Variants in BOLA3 observed in about 807,000 individuals in gnomAD.
The protein encoded by BOLA3 is bolA-like protein 3.
Under a neutral mutation model 14.5 loss-of-function variants are expected in BOLA3, and 8 were observed. The observed-to-expected ratio is 0.55, with a 90% CI of 0.32 to 0.99. The LOEUF is 0.99. Among genes scored for constraint, BOLA3 ranks in the 50% least tolerant of loss-of-function variants. BOLA3 has a pLI of 0.04. For missense variants in BOLA3, 115 were observed against 138.2 expected (o/e 0.83, Z 0.84); for synonymous variants, 42 against 45.7 (o/e 0.92, Z 0.33).
intron 3 of BOLA3, among the ~76,000 whole-genome samples, chr2:74,137,259 G>A (rs1252218050): frequency 1.3e-5 from 2 of 152,222 alleles, no homozygotes; most frequent in Non-Finnish European, 1.5e-5. Flanking sequence ...TGGGATTTCT[G>A]AGAGTGGAGC....
chr2:74,145,724 T>G (rs555735881), intron 1 of BOLA3: 2 of 278,046 alleles, frequency 7.2e-6, no homozygotes, highest in African/African-American at 2.2e-5. Context: ...TCCATACCAC[T>G]AGGCCATCCA....
At chr2:74,137,311 G>T (rs1692353514) in intron 3 of BOLA3, among the ~76,000 whole-genome samples, 1 of 152,148 alleles carries the variant, frequency 6.6e-6, no homozygotes, top group Non-Finnish European at 1.5e-5. Flanking sequence ...AATTGGAGGT[G>T]GCCATGGACT....
intron 2 of BOLA3, among the ~76,000 whole-genome samples, chr2:74,142,994 C>G (rs540092696): frequency 8.5e-5 from 13 of 152,258 alleles, no homozygotes; most frequent in Non-Finnish European, 1.5e-4. Context: ...CCATCCACCC[C>G]CTGCCTGAGC....
chr2:74,147,338 G>A, intron 1 of BOLA3: 1 of 210,836 alleles, frequency 4.7e-6, no homozygotes, highest in Non-Finnish European at 9.5e-6. Context: ...AAGGGGGAGA[G>A]ATTAGGAGAG....
At chr2:74,143,665 A>G (rs903534813) in intron 2 of BOLA3, among the ~76,000 whole-genome samples, 1 of 151,348 alleles carries the variant, frequency 6.6e-6, no homozygotes, top group African/African-American at 2.4e-5. Flanking sequence ...CAGAGCCCTC[A>G]CCTGATGTAC....
In BOLA3 at chr2:74,147,905, C is replaced by T; in HGVS notation, c.-31G>A. ...GCCGACGTGACCCGCCGCCCGAGGT[C>T]ACTGTATGCCCGAAAGACGCGGAGC... On this transcript the variant is annotated 5_prime_UTR_variant, in exon 1 of 4. Coordinates refer to ENST00000327428, the MANE Select transcript of BOLA3 (RefSeq NM_212552.3). 1 of 1,499,710 alleles carries T rather than the reference C, an allele frequency of 6.7e-7. No individual in the cohort carries two copies. The highest frequency in any genetic ancestry group is 8.8e-7 in the Non-Finnish European group (1 of 1,131,558). The allele number at this position is 1,499,710 out of a possible 1,614,324, so 92.9% of individuals were successfully genotyped here. A position where few individuals can be genotyped will look rare whatever the true frequency, so the allele number is the denominator to read the frequency against.
intron 2 of BOLA3, among the ~76,000 whole-genome samples, chr2:74,144,005 A>ATTT (rs3045553): frequency 3.5e-5 from 4 of 115,590 alleles, no homozygotes; most frequent in African/African-American, 1.4e-4. Context: ...GCCCCAGCAG[A>ATTT]TTTTTTTTTT....
intron 2 of BOLA3, among the ~76,000 whole-genome samples, chr2:74,143,669 G>C (rs557722907): frequency 6.6e-6 from 1 of 151,992 alleles, no homozygotes; most frequent in Admixed American, 6.6e-5. Flanking sequence ...GCCCTCACCT[G>C]ATGTACCATT....
At chr2:74,137,686 C>G (rs1270332250) in intron 3 of BOLA3, among the ~76,000 whole-genome samples, 1 of 152,090 alleles carries the variant, frequency 6.6e-6, no homozygotes, top group Admixed American at 6.6e-5. Context: ...CTGGCCATAC[C>G]TGGTTTCCAT....
chr2:74,147,540 C>A, intron 1 of BOLA3: 1 of 490,148 alleles, frequency 2.0e-6, no homozygotes, highest in Non-Finnish European at 3.6e-6. Context: ...CCTGTGCCCG[C>A]AGTATTATGA....
intron 1 of BOLA3, 54 bp from the exon 2 acceptor site, chr2:74,145,357 A>G (rs913833556): frequency 9.0e-7 from 1 of 1,117,054 alleles, no homozygotes; most frequent in African/African-American, 1.5e-5. Context: ...GTTGCCCCTG[A>G]GCTGGGCCAC....
chr2:74,145,347 G>T (rs764825137), intron 1 of BOLA3, 44 bp from the exon 2 acceptor site: 2 of 1,209,258 alleles, frequency 1.7e-6, no homozygotes, highest in Non-Finnish European at 2.5e-6. Context: ...GGAAGATGCT[G>T]TTGCCCCTGA....
chr2:74,136,063 C>T (rs776687609), intron 3 of BOLA3, among the ~76,000 whole-genome samples: 3 of 151,688 alleles, frequency 2.0e-5, no homozygotes, highest in Non-Finnish European at 4.4e-5. Flanking sequence ...AATCTTCCTG[C>T]TTCAGCCTCC....
intron 3 of BOLA3, among the ~76,000 whole-genome samples, chr2:74,139,693 A>C (rs1692401344): frequency 1.3e-5 from 2 of 152,176 alleles, no homozygotes; most frequent in Admixed American, 1.3e-4. Flanking sequence ...TTTTAACACA[A>C]GTGTCAGCCC....
chr2:74,138,358 G>A (rs7598273), intron 3 of BOLA3, among the ~76,000 whole-genome samples: 5,108 of 152,312 alleles, frequency 0.034, 246 homozygotes, highest in African/African-American at 0.11. Context: ...AACACAAATG[G>A]GCTGAATGTG....
chr2:74,145,077 T>C (rs970540910), intron 2 of BOLA3, 112 bp downstream of exon 2: 2 of 732,256 alleles, frequency 2.7e-6, no homozygotes, highest in African/African-American at 3.5e-5. Context: ...GCAACACATC[T>C]TGAGAAGCCA....
intron 1 of BOLA3, 25 bp downstream of exon 1, chr2:74,147,796 C>T (rs1259793724): frequency 1.3e-6 from 2 of 1,529,774 alleles, no homozygotes; most frequent in South Asian, 2.4e-5. Context: ...CCGGGGAGAG[C>T]AGCCCCGACC....
At chr2:74,139,910 C>A (rs1427091688) in intron 3 of BOLA3, among the ~76,000 whole-genome samples, 4 of 152,104 alleles carry the variant, frequency 2.6e-5, no homozygotes, top group Admixed American at 1.3e-4. Flanking sequence ...TTAGGGAGGC[C>A]GAGGCAGGAG....
intron 3 of BOLA3, among the ~76,000 whole-genome samples, chr2:74,141,629 G>A (rs571694077): frequency 6.6e-6 from 1 of 152,224 alleles, no homozygotes; most frequent in East Asian, 1.9e-4. Flanking sequence ...CCGAAGAGAC[G>A]CTCATTACCA....
Sources: allele counts gnomAD v4.1 joint callset (sites outside exome capture counted in the v4.1 genomes callset), GRCh38; gene constraint gnomAD v4.1.1; transcripts MANE v1.5; gene names NCBI Gene and HGNC (gene_info 2026-07-23, HGNC 2026-07-21).